MYO10: variants seen among roughly 807,000 people sequenced by gnomAD.
MYO10 encodes the protein myosin X, also known as unconventional myosin-X.
MYO10 carries 133 observed loss-of-function variants against 257.3 expected under a neutral mutation model. That is an observed-to-expected ratio of 0.52 (90% CI 0.45 to 0.60). MYO10 has a LOEUF of 0.60. Ranked by LOEUF, MYO10 falls within the 20% of genes least tolerant of loss-of-function variation. MYO10 has a pLI of 0.00. For synonymous variants in MYO10, 1,104 were observed against 1,028.6 expected (o/e 1.07, Z -1.40); for missense variants, 2,399 against 2,635.7 (o/e 0.91, Z 1.97).
intron 9 of MYO10, among the ~76,000 whole-genome samples, chr5:16,771,482 G>C (rs1225930071): frequency 6.6e-6 from 1 of 150,742 alleles, no homozygotes; most frequent in Non-Finnish European, 1.5e-5. Flanking sequence ...AACTTTCTCA[G>C]GGTCGCACAA....
chr5:16,794,581 G>T, intron 4 of MYO10, 65 bp downstream of exon 4: 2 of 1,456,648 alleles, frequency 1.4e-6, no homozygotes, highest in Non-Finnish European at 1.8e-6. Context: ...AGGAGGCTGG[G>T]GTTGGGGGTG....
chr5:16,832,145 G>C (rs560172541), intron 2 of MYO10, among the ~76,000 whole-genome samples: 35 of 152,060 alleles, frequency 2.3e-4, no homozygotes, highest in Non-Finnish European at 4.7e-4. Flanking sequence ...TTGCCACGTT[G>C]TCCAGGCTGG....
intron 2 of MYO10, among the ~76,000 whole-genome samples, chr5:16,848,859 A>C (rs549393327): frequency 2.4e-4 from 36 of 152,308 alleles, no homozygotes; most frequent in Admixed American, 2.2e-3. Context: ...ACCTGTAGGC[A>C]CATAAGTTTT....
At chr5:16,929,732 T>G (rs1746244818) in intron 1 of MYO10, among the ~76,000 whole-genome samples, 1 of 152,206 alleles carries the variant, frequency 6.6e-6, no homozygotes, top group South Asian at 2.1e-4. Flanking sequence ...TTCCAAGACC[T>G]TCCCCAGATA....
At chr5:16,716,403 C>T (rs1332759024) in intron 19 of MYO10, among the ~76,000 whole-genome samples, 1 of 151,724 alleles carries the variant, frequency 6.6e-6, no homozygotes, top group Non-Finnish European at 1.5e-5. Flanking sequence ...AGGGAGGGTG[C>T]TTCCCAATGA....
In MYO10 at chr5:16,777,839, C is replaced by CTTTTTTTTTTTT. The variant is rs61326508; in HGVS notation, c.930+1694_930+1705dup. On this transcript the variant is annotated intron_variant, in intron 9 of 40. Coordinates refer to ENST00000513610, the MANE Select transcript of MYO10 (RefSeq NM_012334.3). ...GCCACCCTAGGTGCATTGCATCTAA[C>CTTTTTTTTTTTT]TTTTTTTTTTTTTTTTTTTTTTTTT... Among the ~76,000 whole-genome samples the CTTTTTTTTTTTT allele has an allele frequency of 6.0e-4, 53 of 88,474 alleles. 4 individuals carry two copies. The highest frequency in any genetic ancestry group is 2.7e-3 in the African/African-American group (50 of 18,648). The allele number at this position is 88,474 out of a possible 152,430, so 58.0% of individuals were successfully genotyped here. A position where few individuals can be genotyped will look rare whatever the true frequency, so the allele number is the denominator to read the frequency against.
chr5:16,911,735 CCAACAA>C, intron 1 of MYO10, among the ~76,000 whole-genome samples: 1 of 151,882 alleles, frequency 6.6e-6, no homozygotes, highest in Non-Finnish European at 1.5e-5. Context: ...CTGTCTTAGA[CCAACAA>C]CAACAACAAA....
intron 28 of MYO10, among the ~76,000 whole-genome samples, chr5:16,686,893 A>G (rs1156394006): frequency 6.6e-6 from 1 of 152,170 alleles, no homozygotes; most frequent in Admixed American, 6.5e-5. Context: ...ATTTCTACTC[A>G]AGTCAATAAA....
intron 19 of MYO10, among the ~76,000 whole-genome samples, chr5:16,726,030 C>A (rs141762919): frequency 3.5e-4 from 54 of 152,272 alleles, no homozygotes; most frequent in African/African-American, 1.3e-3. Context: ...AGGTGATCCA[C>A]CCGCCTCAGC....
chr5:16,665,267 T>C lies in MYO10; in HGVS notation c.*1425A>G, dbSNP rs1736108139. 6.6e-6 allele frequency: 1 copy of C among 151,798 alleles called. No homozygotes were observed. Among genetic ancestry groups the C allele is most frequent in the Admixed American group, 6.6e-5 (1 of 15,232 alleles). The allele number at this position is 151,798 out of a possible 1,614,324, so 9.4% of individuals were successfully genotyped here. On this transcript the variant is annotated 3_prime_UTR_variant, in exon 41 of 41. Transcript: ENST00000513610. Reference sequence around the variant, plus strand: ...AAATAAGCCTCCCCTCCATGGTTTTTAGAGCCTCCTCTGATAAAGGAAACA... The same window carrying C: ...AAATAAGCCTCCCCTCCATGGTTTTCAGAGCCTCCTCTGATAAAGGAAACA...
intron 26 of MYO10, among the ~76,000 whole-genome samples, chr5:16,698,344 G>A (rs562211258): frequency 1.3e-4 from 20 of 152,266 alleles, no homozygotes; most frequent in African/African-American, 4.3e-4. Flanking sequence ...TTGGGTAACA[G>A]AGCAAGACCC....
intron 27 of MYO10, among the ~76,000 whole-genome samples, chr5:16,692,690 G>A (rs1039450007): frequency 6.6e-6 from 1 of 152,132 alleles, no homozygotes; most frequent in Non-Finnish European, 1.5e-5. Flanking sequence ...GCCACCGAAA[G>A]CTCTGGAATA....
At chr5:16,931,634 GAA>G (rs3993790) in intron 1 of MYO10, among the ~76,000 whole-genome samples, 92 of 150,374 alleles carry the variant, frequency 6.1e-4, no homozygotes, top group Middle Eastern at 3.4e-3. Context: ...ATAGCAGGGG[GAA>G]AAAAAAAATG....
At position 16,672,781 on chromosome 5, in the gene MYO10, C is replaced by T. The variant is rs2126469338; in HGVS notation, c.5217G>A (p.Arg1739=). Reference sequence around the variant, plus strand: ...TGTATTCAAACAAAGCAAACATGTTCCTGCTGTCCTCCATGGCCAGGCCTC... The same window carrying T: ...TGTATTCAAACAAAGCAAACATGTTTCTGCTGTCCTCCATGGCCAGGCCTC... ...LIRGLAMEDS[R]NMFALFEYNG... The change falls in exon 37 of 41, where the codon AGG becomes AGA. Residue 1739 remains arginine, a synonymous_variant. Coordinates refer to ENST00000513610, the MANE Select transcript of MYO10 (RefSeq NM_012334.3). 1 of 1,613,884 alleles carries T rather than the reference C, an allele frequency of 6.2e-7. No individual in the cohort carries two copies. Among genetic ancestry groups the T allele is most frequent in the Non-Finnish European group, 8.5e-7 (1 of 1,179,828 alleles).
At chr5:16,753,714 G>A (rs545925180) in intron 19 of MYO10, among the ~76,000 whole-genome samples, 10 of 138,796 alleles carry the variant, frequency 7.2e-5, no homozygotes, top group East Asian at 6.7e-4. Flanking sequence ...CATGTGACCC[G>A]CCCACCTCGA....
At chr5:16,785,328 G>T (rs537173561) in intron 4 of MYO10, among the ~76,000 whole-genome samples, 1 of 152,228 alleles carries the variant, frequency 6.6e-6, no homozygotes, top group Non-Finnish European at 1.5e-5. Context: ...TTCAACAACA[G>T]TGCACAGAAT....
intron 1 of MYO10, among the ~76,000 whole-genome samples, chr5:16,928,293 C>A (rs2126806423): frequency 6.6e-6 from 1 of 152,248 alleles, no homozygotes; most frequent in South Asian, 2.1e-4. Flanking sequence ...CTCCCGGATT[C>A]AACCGATTCT....
intron 19 of MYO10, among the ~76,000 whole-genome samples, chr5:16,732,695 C>T (rs1739633417): frequency 6.6e-6 from 1 of 151,852 alleles, no homozygotes; most frequent in Non-Finnish European, 1.5e-5. Flanking sequence ...GAGGACTGAG[C>T]AAGAAAAAGA....
chr5:16,807,512 T>TA (rs1015992684), intron 3 of MYO10, among the ~76,000 whole-genome samples: 20 of 152,036 alleles, frequency 1.3e-4, no homozygotes, highest in Non-Finnish European at 2.1e-4. Flanking sequence ...AACGCATGCT[T>TA]AAAGTTATCC....
Sources: gnomAD v4.1 joint callset for allele counts (sites outside exome capture counted in the v4.1 genomes callset) on GRCh38, gnomAD v4.1.1 for gene constraint, MANE v1.5 for transcripts, NCBI Gene and HGNC (gene_info 2026-07-23, HGNC 2026-07-21) for gene names.